The following PIK3R3 variants were observed in gnomAD, a reference collection of about 807,000 sequenced individuals.
PIK3R3 encodes the protein phosphoinositide-3-kinase regulatory subunit 3, also known as phosphatidylinositol 3-kinase regulatory subunit gamma.
In PIK3R3, 64 loss-of-function variants were observed where a neutral mutation model predicts 62.9. That is an observed-to-expected ratio of 1.02 (90% confidence interval 0.83 to 1.25). The LOEUF is 1.25. PIK3R3 is among the 50% of genes most tolerant of loss of function. The pLI, the probability that PIK3R3 is intolerant of heterozygous loss-of-function variation, is 0.00. For synonymous variants in PIK3R3, 165 were observed against 189.0 expected (o/e 0.87, Z 1.04); for missense variants, 614 against 561.6 (o/e 1.09, Z -0.94).
upstream of PIK3R3, among the ~76,000 whole-genome samples, chr1:46,136,171 CCAT>C (rs987015072): frequency 1.3e-5 from 2 of 151,520 alleles, no homozygotes; most frequent in African/African-American, 4.9e-5. Context: ...TCTTCTCTCA[CCAT>C]TTTCCCTTGA....
intron 1 of PIK3R3, among the ~76,000 whole-genome samples, chr1:46,129,401 T>TTTTTTTTAGTTAGTTA (rs375178162): frequency 2.3e-5 from 3 of 131,616 alleles, no homozygotes; most frequent in Non-Finnish European, 3.4e-5. Flanking sequence ...AATTGGGGGA[T>TTTTTTTTAGTTAGTTA]TTTATTTATT....
At chr1:46,154,242 TA>T in the PIK3R3 span, among the ~76,000 whole-genome samples, 2 of 152,054 alleles carry the variant, frequency 1.3e-5, no homozygotes, top group African/African-American at 4.8e-5. Context: ...CTCATGAATA[TA>T]AAAAAGAACA....
At chr1:46,045,040 T>G (rs1647073101) in intron 9 of PIK3R3, among the ~76,000 whole-genome samples, 1 of 152,258 alleles carries the variant, frequency 6.6e-6, no homozygotes, top group Non-Finnish European at 1.5e-5. Flanking sequence ...GCCACATCCA[T>G]CAGTAGCATC....
chr1:46,045,859 G>T, intron 9 of PIK3R3, 59 bp downstream of exon 9: 1 of 1,438,700 alleles, frequency 7.0e-7, no homozygotes, highest in South Asian at 1.2e-5. Flanking sequence ...ATGAGGGGTT[G>T]ATTTTATAAT....
At chr1:46,105,364 C>T (rs1396694725) in intron 1 of PIK3R3, among the ~76,000 whole-genome samples, 5 of 152,034 alleles carry the variant, frequency 3.3e-5, no homozygotes, top group East Asian at 1.9e-4. Context: ...GCTGACATGG[C>T]GACTTGCACC....
intron 7 of PIK3R3, 191 bp from the exon 8 acceptor site, chr1:46,046,816 C>T: frequency 1.8e-6 from 1 of 562,892 alleles, no homozygotes. Flanking sequence ...ATGAACTGAT[C>T]TTTTCCAGAA....
At chr1:46,112,309 G>A (rs1001221808) in intron 1 of PIK3R3, among the ~76,000 whole-genome samples, 24 of 152,076 alleles carry the variant, frequency 1.6e-4, no homozygotes, top group African/African-American at 4.1e-4. Flanking sequence ...TCTGAGTTGC[G>A]AAATATTCCA....
At chr1:46,159,325 C>A in the PIK3R3 span, among the ~76,000 whole-genome samples, 1 of 152,092 alleles carries the variant, frequency 6.6e-6, no homozygotes, top group Admixed American at 6.6e-5. Flanking sequence ...AGTTCTGACT[C>A]CAAAGTCAGA....
Position 46,055,923 on chromosome 1 carries a change from A to G in PIK3R3, c.813T>C (p.His271=). 6.2e-7 allele frequency: 1 copy of G among 1,607,982 alleles called. No homozygotes were observed. The highest frequency in any genetic ancestry group is 1.3e-5 in the African/African-American group (1 of 74,520). Residue 271 remains histidine, a synonymous_variant, in exon 7 of 10, where the codon CAT becomes CAC. Transcript: ENST00000262741. ...CCTGCTCTAGACGCATTTTGCTATC[A>G]TGAATCTCACCCAGACGTGATTTCA... is the stretch of plus-strand genomic sequence containing the variant. ...DKLKSRLGEI[H]DSKMRLEQDL... is the part of the protein sequence containing the mutation.
At chr1:46,149,476 A>G in the PIK3R3 span, among the ~76,000 whole-genome samples, 2 of 151,554 alleles carry the variant, frequency 1.3e-5, no homozygotes, top group Admixed American at 1.3e-4. Context: ...CAGTTTATAA[A>G]TACCATGGCA....
rs372601432 is a variant in PIK3R3, at chr1:46,062,061, A to G, written c.632T>C (p.Met211Thr). Reference sequence around the variant, plus strand: ...AAAAGCTTCTATTGCAGTCCTCTTCATCTGTATTTCCTACAGGAGAGAAAA... The same window carrying G: ...AAAAGCTTCTATTGCAGTCCTCTTCGTCTGTATTTCCTACAGGAGAGAAAA... The part of the protein sequence containing the change: ...EYTRTSQEIQ[M>T]KRTAIEAFNE... The change falls in exon 6 of 10, where the codon ATG (methionine) becomes ACG (threonine). Residue 211 changes from methionine (M) to threonine (T), a missense_variant. Coordinates refer to ENST00000262741, the MANE Select transcript of PIK3R3 (RefSeq NM_003629.4). The G allele has an allele frequency of 2.5e-6, 4 of 1,608,272 alleles. No homozygotes were observed. The highest frequency in any genetic ancestry group is 1.7e-5 in the Admixed American group (1 of 58,972).
the PIK3R3 span, among the ~76,000 whole-genome samples, chr1:46,145,606 CT>C: frequency 2.0e-5 from 3 of 152,256 alleles, no homozygotes; most frequent in African/African-American, 7.2e-5. Context: ...TCACTCACCC[CT>C]ATAGGAAGGC....
In PIK3R3 at chr1:46,080,736, G is replaced by A. The variant is rs115181807; in HGVS notation, c.121C>T (p.Pro41Ser). Reference protein sequence around the residue: ...EMDPPALPPKPPKPMTSAVPN... With the variant: ...EMDPPALPPKSPKPMTSAVPN... ...ACTGCTGAAGTCATTGGCTTAGGTG[G>A]CTTTGGTGGAAGAGCTAGAAGAGAA... The change falls in exon 2 of 10, where the codon CCA becomes TCA. Residue 41 changes from proline (P) to serine (S), a missense_variant. Transcript: ENST00000262741. 254 of 1,611,428 alleles carry A rather than the reference G, an allele frequency of 1.6e-4. No individual in the cohort carries two copies. The East Asian group carries it at 4.5e-3, about 29-fold the overall frequency.
At position 46,042,214 on chromosome 1, in the gene PIK3R3, T is replaced by C. The variant is rs543654704; in HGVS notation, c.*1459A>G. ...GGAATAGATGCCTGCCCCCACTCCA[T>C]TTGCCTAGCTTCACTCAGCTGGAAG... On this transcript the variant is annotated 3_prime_UTR_variant, in exon 10 of 10. Coordinates refer to ENST00000262741, the MANE Select transcript of PIK3R3 (RefSeq NM_003629.4). The surrounding 1 kb of genome is among the most constrained non-coding windows in gnomAD (Gnocchi z 4.3). 28 of 224,572 alleles carry C rather than the reference T, an allele frequency of 1.2e-4. No individual in the cohort carries two copies. Among genetic ancestry groups the C allele is most frequent in the African/African-American group, 4.9e-4 (22 of 44,942 alleles). The allele number at this position is 224,572 out of a possible 1,614,324, so 13.9% of individuals were successfully genotyped here.
At position 46,132,096 on chromosome 1, in the gene PIK3R3, CA is replaced by C; in HGVS notation, c.-145del. The stretch of plus-strand genomic sequence containing the variant: ...TTCCAACGGCCAGTACCAGTCCGGC[CA>C]AACTACCCGAACAGGGTCCTCCCCC... On this transcript the variant is annotated 5_prime_UTR_variant, in exon 1 of 10. Transcript: ENST00000262741. 2 of 1,427,942 alleles carry C rather than the reference CA, an allele frequency of 1.4e-6. No individual in the cohort carries two copies. Among genetic ancestry groups the C allele is most frequent in the Non-Finnish European group, 1.8e-6 (2 of 1,095,148 alleles). 88.5% of individuals were successfully genotyped at this position (1,427,942 alleles called of 1,614,324 possible).
chr1:46,143,184 C>T, the PIK3R3 span, among the ~76,000 whole-genome samples: 1 of 152,200 alleles, frequency 6.6e-6, no homozygotes, highest in Non-Finnish European at 1.5e-5. Flanking sequence ...GCGTGTGATT[C>T]ATTCATTTCC....
rs1646979031 is a variant in PIK3R3 at position 46,040,608 on chromosome 1, G to A, written c.*3065C>T. ...TTTCTGAGGCCACTGAAGCCTCACAGAGGCCTACTCTGGGTTGTTAAATAG... is the reference window on the plus strand; with the variant it reads ...TTTCTGAGGCCACTGAAGCCTCACAAAGGCCTACTCTGGGTTGTTAAATAG... On this transcript the variant is annotated 3_prime_UTR_variant, in exon 10 of 10. Coordinates refer to ENST00000262741, the MANE Select transcript of PIK3R3 (RefSeq NM_003629.4). 2 of 222,928 alleles carry A rather than the reference G, an allele frequency of 9.0e-6. No homozygotes were observed. The highest frequency in any genetic ancestry group is 1.8e-5 in the Non-Finnish European group (2 of 111,596). 13.8% of individuals were successfully genotyped at this position (222,928 alleles called of 1,614,324 possible).
At chr1:46,084,478 G>A (rs1650886658) in intron 1 of PIK3R3, among the ~76,000 whole-genome samples, 1 of 152,080 alleles carries the variant, frequency 6.6e-6, no homozygotes, top group South Asian at 2.1e-4. Context: ...AGATGGGGGT[G>A]GATTTGCTAT....
intron 1 of PIK3R3, among the ~76,000 whole-genome samples, chr1:46,083,584 C>T (rs1452474507): frequency 6.6e-6 from 1 of 151,986 alleles, no homozygotes; most frequent in Non-Finnish European, 1.5e-5. Flanking sequence ...CCTTTCAATT[C>T]AATAAAAGAC....
Sources: allele counts gnomAD v4.1 joint callset (sites outside exome capture counted in the v4.1 genomes callset), GRCh38; gene constraint gnomAD v4.1.1; non-coding constraint Gnocchi (gnomAD v3.1); transcripts MANE v1.5; gene names NCBI Gene and HGNC (gene_info 2026-07-23, HGNC 2026-07-21).